GALNT13: variants seen among roughly 807,000 people sequenced by gnomAD.
GALNT13 encodes UDP-GalNAc:polypeptide N-acetylgalactosaminyltransferase 13.
Under a neutral mutation model 64.2 loss-of-function variants are expected in GALNT13, and 28 were observed. That is an observed-to-expected ratio of 0.44 (90% CI 0.32 to 0.60). The LOEUF is 0.60. Ranked by LOEUF, GALNT13 falls within the 20% of genes least tolerant of loss-of-function variation. The pLI is 0.05. For synonymous variants in GALNT13, 214 were observed against 224.6 expected (o/e 0.95, Z 0.42); for missense variants, 577 against 669.8 (o/e 0.86, Z 1.53).
chr2:153,502,398 T>A, the GALNT13 span, among the ~76,000 whole-genome samples: 1 of 152,254 alleles, frequency 6.6e-6, no homozygotes, highest in Non-Finnish European at 1.5e-5. Context: ...TCCATCCAGC[T>A]AGCTGCCAAT....
intron 1 of GALNT13, among the ~76,000 whole-genome samples, chr2:153,884,856 TACACAC>T (rs144324984): frequency 0.07 from 8,336 of 119,448 alleles, 583 homozygotes; most frequent in East Asian, 0.22. Context: ...TATATGTATA[TACACAC>T]ACACACACAC....
chr2:153,729,666 A>G, the GALNT13 span, among the ~76,000 whole-genome samples: 1 of 152,046 alleles, frequency 6.6e-6, no homozygotes, highest in Non-Finnish European at 1.5e-5. Context: ...AGAAAATGTA[A>G]AAGTCATCCA....
chr2:153,584,279 C>T, the GALNT13 span, among the ~76,000 whole-genome samples: 1 of 152,160 alleles, frequency 6.6e-6, no homozygotes, highest in Non-Finnish European at 1.5e-5. Flanking sequence ...ACAAGCTTGC[C>T]TGGTCCAATT....
At chr2:154,373,789 C>T (rs969662892) in intron 9 of GALNT13, among the ~76,000 whole-genome samples, 3 of 152,324 alleles carry the variant, frequency 2.0e-5, no homozygotes, top group Middle Eastern at 3.4e-3. Flanking sequence ...GTAATAGCCA[C>T]TTAACAGGTG....
At chr2:154,256,009 C>T (rs142114960) in intron 7 of GALNT13, among the ~76,000 whole-genome samples, 4 of 151,828 alleles carry the variant, frequency 2.6e-5, no homozygotes, top group Non-Finnish European at 5.9e-5. Context: ...AATCTGATTG[C>T]ACCACTACAC....
At chr2:153,154,296 C>G in the GALNT13 span, among the ~76,000 whole-genome samples, 1 of 152,158 alleles carries the variant, frequency 6.6e-6, no homozygotes, top group Non-Finnish European at 1.5e-5. Flanking sequence ...CACATGCTGT[C>G]TTGCCTGCCA....
the GALNT13 span, among the ~76,000 whole-genome samples, chr2:153,757,820 T>A: frequency 1.3e-5 from 2 of 152,222 alleles, no homozygotes; most frequent in African/African-American, 2.4e-5. Context: ...GCCCATTTTT[T>A]AAATCAGGTT....
At chr2:153,378,812 T>C in the GALNT13 span, among the ~76,000 whole-genome samples, 3 of 152,146 alleles carry the variant, frequency 2.0e-5, no homozygotes, top group East Asian at 3.9e-4. Flanking sequence ...ATGTGTTAGT[T>C]TGGAAGCCAA....
chr2:154,012,919 C>T (rs1195535449), intron 3 of GALNT13, among the ~76,000 whole-genome samples: 1 of 151,908 alleles, frequency 6.6e-6, no homozygotes, highest in Admixed American at 6.6e-5. Flanking sequence ...TCGTTTGTAT[C>T]TATCTTAAAA....
chr2:153,808,544 C>T, the GALNT13 span, among the ~76,000 whole-genome samples: 1 of 152,114 alleles, frequency 6.6e-6, no homozygotes, highest in African/African-American at 2.4e-5. Flanking sequence ...CCCTTTCTAA[C>T]TTTATTCCTG....
the GALNT13 span, among the ~76,000 whole-genome samples, chr2:153,397,365 C>G: frequency 6.6e-6 from 1 of 151,966 alleles, no homozygotes. Flanking sequence ...ATGTTCTATG[C>G]CTTAATGCAG....
At chr2:153,518,313 T>C in the GALNT13 span, among the ~76,000 whole-genome samples, 1 of 152,198 alleles carries the variant, frequency 6.6e-6, no homozygotes, top group Non-Finnish European at 1.5e-5. Context: ...CTGTACTGCA[T>C]GCTCTTTGAT....
At chr2:153,641,822 A>G in the GALNT13 span, among the ~76,000 whole-genome samples, 1 of 152,182 alleles carries the variant, frequency 6.6e-6, no homozygotes, top group Admixed American at 6.5e-5. Flanking sequence ...TTGGAAATAT[A>G]GAATGAGAAT....
At chr2:153,087,032 A>G in the GALNT13 span, among the ~76,000 whole-genome samples, 137,996 of 152,162 alleles carry the variant, frequency 0.91, 63,409 homozygotes, top group East Asian at 1. Context: ...AATAGACTTG[A>G]TGAAAGCGGG....
chr2:153,554,393 G>C, the GALNT13 span, among the ~76,000 whole-genome samples: 3 of 152,090 alleles, frequency 2.0e-5, no homozygotes, highest in African/African-American at 7.2e-5. Context: ...AACAAAACTT[G>C]GTCAGTTGCC....
chr2:154,276,398 T>G (rs1691655472), intron 8 of GALNT13, among the ~76,000 whole-genome samples: 1 of 152,020 alleles, frequency 6.6e-6, no homozygotes, highest in South Asian at 2.1e-4. Context: ...TTTTGTATTT[T>G]GAGTAGAAAC....
chr2:153,139,418 A>G, the GALNT13 span, among the ~76,000 whole-genome samples: 9 of 152,046 alleles, frequency 5.9e-5, no homozygotes, highest in Non-Finnish European at 1.0e-4. Flanking sequence ...CCAGAGGGAT[A>G]CAAAGTAGAG....
At chr2:153,697,739 A>T in the GALNT13 span, among the ~76,000 whole-genome samples, 1 of 152,176 alleles carries the variant, frequency 6.6e-6, no homozygotes, top group Non-Finnish European at 1.5e-5. Flanking sequence ...AGGTCCTAGT[A>T]AGAATGCTGG....
the GALNT13 span, among the ~76,000 whole-genome samples, chr2:153,250,724 C>T: frequency 6.6e-6 from 1 of 152,138 alleles, no homozygotes; most frequent in East Asian, 1.9e-4. Flanking sequence ...AGTTCATGTC[C>T]TTCCGGGGAC....
Sources: allele counts gnomAD v4.1 joint callset (sites outside exome capture counted in the v4.1 genomes callset), GRCh38; gene constraint gnomAD v4.1.1; transcripts MANE v1.5; gene names NCBI Gene and HGNC (gene_info 2026-07-23, HGNC 2026-07-21).